PPARGC1A: variants seen among roughly 807,000 people sequenced by gnomAD.
PPARGC1A encodes the protein PPARG coactivator 1 alpha, also known as peroxisome proliferator-activated receptor gamma coactivator 1-alpha.
In PPARGC1A, 25 loss-of-function variants were observed where a neutral mutation model predicts 88.7. The observed-to-expected ratio is 0.28, with a 90% confidence interval of 0.21 to 0.39. The LOEUF (loss-of-function observed/expected upper bound fraction) is 0.39, where lower values mean the gene tolerates loss of function less well. Ranked by LOEUF, PPARGC1A falls within the 10% of genes least tolerant of loss-of-function variation. PPARGC1A has a pLI of 1.00. For synonymous variants in PPARGC1A, 363 were observed against 355.6 expected (o/e 1.02, Z -0.24); for missense variants, 880 against 968.7 (o/e 0.91, Z 1.22).
chr4:24,104,591 T>G, the PPARGC1A span, among the ~76,000 whole-genome samples: 7,934 of 152,172 alleles, frequency 0.052, 652 homozygotes, highest in African/African-American at 0.17. Context: ...CAGAGGACTG[T>G]GGGCAACACA....
At chr4:24,032,448 G>T in the PPARGC1A span, among the ~76,000 whole-genome samples, 25,470 of 152,112 alleles carry the variant, frequency 0.17, 2,273 homozygotes, top group Admixed American at 0.22. Flanking sequence ...GCTCCCAGCT[G>T]ACCACTGAGC....
intron 2 of PPARGC1A, among the ~76,000 whole-genome samples, chr4:23,843,600 A>G (rs1017189589): frequency 1.4e-4 from 21 of 152,130 alleles, no homozygotes; most frequent in African/African-American, 5.1e-4. Flanking sequence ...TGAGGAAGAG[A>G]TAAGACATGA....
At chr4:24,322,337 C>T in the PPARGC1A span, among the ~76,000 whole-genome samples, 1 of 152,136 alleles carries the variant, frequency 6.6e-6, no homozygotes, top group East Asian at 1.9e-4. Flanking sequence ...ATTTTGAAAA[C>T]GAAGCTTGAG....
the PPARGC1A span, among the ~76,000 whole-genome samples, chr4:23,987,886 C>G: frequency 2.0e-5 from 3 of 151,898 alleles, no homozygotes; most frequent in Non-Finnish European, 4.4e-5. Flanking sequence ...GTTTGCTGCA[C>G]CCATCAACCC....
chr4:24,467,018 G>GAA, the PPARGC1A span, among the ~76,000 whole-genome samples: 2 of 136,056 alleles, frequency 1.5e-5, no homozygotes, highest in Non-Finnish European at 3.1e-5. Flanking sequence ...GAGAAAGAAA[G>GAA]AAAGAAAGAA....
chr4:24,006,979 C>T, the PPARGC1A span, among the ~76,000 whole-genome samples: 3 of 152,130 alleles, frequency 2.0e-5, no homozygotes, highest in African/African-American at 7.2e-5. Flanking sequence ...GTAAAATGGA[C>T]ATCTTTCCAC....
At chr4:24,228,822 C>CA in the PPARGC1A span, among the ~76,000 whole-genome samples, 1 of 152,124 alleles carries the variant, frequency 6.6e-6, no homozygotes, top group African/African-American at 2.4e-5. Flanking sequence ...TTCTTGTTAT[C>CA]AAAAGTCGAT....
chr4:24,386,632 C>T, the PPARGC1A span, among the ~76,000 whole-genome samples: 1 of 152,136 alleles, frequency 6.6e-6, no homozygotes, highest in Non-Finnish European at 1.5e-5. Flanking sequence ...TGAATGAACT[C>T]CCATTCACAA....
chr4:24,208,618 A>C, the PPARGC1A span, among the ~76,000 whole-genome samples: 1 of 150,666 alleles, frequency 6.6e-6, no homozygotes, highest in Non-Finnish European at 1.5e-5. Context: ...CCAAAAGACA[A>C]ATCAGGCAAG....
At chr4:24,192,969 A>T in the PPARGC1A span, among the ~76,000 whole-genome samples, 3 of 152,244 alleles carry the variant, frequency 2.0e-5, no homozygotes, top group African/African-American at 7.2e-5. Flanking sequence ...TGGACATGTA[A>T]ATTAGAAATG....
At chr4:23,976,966 A>C in the PPARGC1A span, among the ~76,000 whole-genome samples, 1 of 152,060 alleles carries the variant, frequency 6.6e-6, no homozygotes, top group Non-Finnish European at 1.5e-5. Context: ...GAAGAGGAAA[A>C]GGAAAAGGAA....
intron 11 of PPARGC1A, 125 bp downstream of exon 11, chr4:23,802,099 G>A (rs1718865251): frequency 2.2e-6 from 3 of 1,392,932 alleles, no homozygotes; most frequent in African/African-American, 1.4e-5. Flanking sequence ...AATAAATAAG[G>A]TTCTGAACTC....
At chr4:24,364,920 A>G in the PPARGC1A span, among the ~76,000 whole-genome samples, 1 of 152,150 alleles carries the variant, frequency 6.6e-6, no homozygotes, top group African/African-American at 2.4e-5. Flanking sequence ...CTTGACACGT[A>G]TCGATACTCA....
the PPARGC1A span, among the ~76,000 whole-genome samples, chr4:24,161,320 A>G: frequency 9.2e-5 from 14 of 152,290 alleles, no homozygotes; most frequent in South Asian, 2.9e-3. Flanking sequence ...GTCTGACCCT[A>G]CCTAGAAAGT....
At chr4:23,887,829 A>C (rs1009091506) in intron 1 of PPARGC1A, among the ~76,000 whole-genome samples, 3 of 152,182 alleles carry the variant, frequency 2.0e-5, no homozygotes, top group African/African-American at 7.2e-5. Context: ...TCTTAAAAAA[A>C]TTAGTTAAGA....
At chr4:24,210,618 C>T in the PPARGC1A span, among the ~76,000 whole-genome samples, 28 of 152,340 alleles carry the variant, frequency 1.8e-4, no homozygotes, top group Non-Finnish European at 3.5e-4. Flanking sequence ...AGACGCTGGG[C>T]ACCTCCTGGA....
upstream of PPARGC1A, among the ~76,000 whole-genome samples, chr4:23,901,227 A>G (rs1472235773): frequency 6.6e-6 from 1 of 152,146 alleles, no homozygotes; most frequent in Non-Finnish European, 1.5e-5. Flanking sequence ...AAAATTAGCC[A>G]GGCGTGGTGG....
chr4:24,361,905 A>G, the PPARGC1A span, among the ~76,000 whole-genome samples: 1 of 152,164 alleles, frequency 6.6e-6, no homozygotes, highest in Non-Finnish European at 1.5e-5. Flanking sequence ...TCCCTAACCT[A>G]AACAGTCTCC....
the PPARGC1A span, among the ~76,000 whole-genome samples, chr4:23,955,852 C>T: frequency 6.6e-6 from 1 of 151,986 alleles, no homozygotes; most frequent in East Asian, 1.9e-4. Flanking sequence ...CATGTTAGAA[C>T]AAGAACTGAA....
Sources: gnomAD v4.1 joint callset for allele counts (sites outside exome capture counted in the v4.1 genomes callset) on GRCh38, gnomAD v4.1.1 for gene constraint, MANE v1.5 for transcripts, NCBI Gene and HGNC (gene_info 2026-07-23, HGNC 2026-07-21) for gene names.